TTC34: variants seen among roughly 807,000 people sequenced by gnomAD.
TTC34 encodes tetratricopeptide repeat protein 34.
A neutral mutation model predicts 40.7 loss-of-function variants in TTC34; 44 were observed. The ratio of observed to expected loss-of-function variants is 1.08; its 90% CI spans 0.85 to 1.39. TTC34 has a LOEUF of 1.39. TTC34 is among the 40% of genes most tolerant of loss of function. TTC34 has a pLI of 0.00. For missense variants in TTC34, 884 were observed against 838.0 expected (o/e 1.05, Z -0.68); for synonymous variants, 422 against 398.6 (o/e 1.06, Z -0.70).
intron 2 of TTC34, among the ~76,000 whole-genome samples, chr1:2,798,578 TCAGCTCCCCAGCCCCC>T (rs1643736301): frequency 1.4e-4 from 1 of 7,354 alleles, no homozygotes; most frequent in Non-Finnish European, 2.5e-4. Context: ...TCCCAGCCCC[TCAGCTCCCCAGCCCCC>T]CAGCCTCCCA....
chr1:2,753,314 C>T (rs1641388690), intron 6 of TTC34, among the ~76,000 whole-genome samples: 1 of 118,288 alleles, frequency 8.5e-6, no homozygotes. Context: ...GAGCATCCGA[C>T]AGCCTGGAGC....
intron 6 of TTC34, among the ~76,000 whole-genome samples, chr1:2,751,135 G>A (rs1272402607): frequency 5.7e-5 from 1 of 17,558 alleles, no homozygotes; most frequent in Non-Finnish European, 1.0e-4. Flanking sequence ...TACCCCCAGG[G>A]GAGCATCTGA....
chr1:2,655,644 G>C (rs1188711455), intron 6 of TTC34, among the ~76,000 whole-genome samples: 1 of 152,106 alleles, frequency 6.6e-6, no homozygotes, highest in East Asian at 1.9e-4. Context: ...GCCTGGAGCA[G>C]CAACCACACC....
At chr1:2,774,070 A>C (rs1337628712) in intron 6 of TTC34, 1 of 150,208 alleles carries the variant, frequency 6.7e-6, no homozygotes, top group Non-Finnish European at 1.5e-5. Flanking sequence ...CCCCCAGGTG[A>C]GCATTTGACA....
In TTC34 at chr1:2,755,890, A is replaced by G. The variant is rs1333245182; in HGVS notation, c.2226+27719T>C. Among the ~76,000 whole-genome samples, 2 of 79,640 alleles carry G rather than the reference A, an allele frequency of 2.5e-5. 1 individual carries two copies. Among genetic ancestry groups the G allele is most frequent in the Non-Finnish European group, 4.4e-5 (2 of 45,904 alleles). The allele number at this position is 79,640 out of a possible 152,430, so 52.2% of individuals were successfully genotyped here. On this transcript the variant is annotated intron_variant, in intron 6 of 8. Transcript: ENST00000401095. ...CTCACGCGAGCACCTGACATCCTTGAGCAGCACCCACACCCCCAGGTGAGC... is the reference window on the plus strand; with the variant it reads ...CTCACGCGAGCACCTGACATCCTTGGGCAGCACCCACACCCCCAGGTGAGC...
rs917021607 is a variant in TTC34, at chr1:2,796,915, C to T, written c.784+3129G>A. Among the ~76,000 whole-genome samples the T allele has an allele frequency of 5.9e-5, 9 of 152,224 alleles. No homozygotes were observed. Among genetic ancestry groups the T allele is most frequent in the East Asian group, 1.9e-4 (1 of 5,190 alleles). The stretch of plus-strand genomic sequence containing the variant: ...GGTCACCAAGAACCTCGGCACCACA[C>T]GCCCAACGCACACTCCTTGTCCTCT... On this transcript the variant is annotated intron_variant, in intron 2 of 8. Transcript: ENST00000401095. The surrounding 1 kb of genome is among the most constrained non-coding windows in gnomAD (Gnocchi z 4.5).
At chr1:2,687,811 A>T (rs1348937521) in intron 6 of TTC34, among the ~76,000 whole-genome samples, 36 of 150,678 alleles carry the variant, frequency 2.4e-4, no homozygotes, top group African/African-American at 8.7e-4. Context: ...CCACACCTCC[A>T]GGTGAGCATC....
chr1:2,641,441 G>A, exon 9 of TTC34: 1 of 1,535,276 alleles, frequency 6.5e-7, no homozygotes, highest in Non-Finnish European at 8.7e-7. Context: ...ACGGTGGTCG[G>A]GGTCCACCAG....
In TTC34 at chr1:2,796,640, G is replaced by A. The variant is rs543646752; in HGVS notation, c.784+3404C>T. Among the ~76,000 whole-genome samples the A allele has an allele frequency of 1.3e-5, 2 of 152,088 alleles. No individual in the cohort carries two copies. Among genetic ancestry groups the A allele is most frequent in the African/African-American group, 2.4e-5 (1 of 41,504 alleles). ...CCCTTAAGTCATGCCCTGCCCCTGC[G>A]TGATCATTAAAGTGGAAGGCCCCCT... On this transcript the variant is annotated intron_variant, in intron 2 of 8. Coordinates refer to ENST00000401095, the Ensembl canonical transcript of TTC34. The surrounding 1 kb of genome is among the most constrained non-coding windows in gnomAD (Gnocchi z 4.5).
rs1383566624 is a variant in TTC34, at chr1:2,761,465, AC to A, written c.2226+22143del. ...TCAAACCCCAGGTGAGGATCTGACA[AC>A]CTGGAACAGAACCCCACTCTTCCAG... On this transcript the variant is annotated intron_variant, in intron 6 of 8. Transcript: ENST00000401095. Among the ~76,000 whole-genome samples, 4 of 41,800 alleles carry A rather than the reference AC, an allele frequency of 9.6e-5. 2 individuals carry two copies. Among genetic ancestry groups the A allele is most frequent in the Admixed American group, 4.8e-4 (2 of 4,194 alleles). 27.4% of individuals were successfully genotyped at this position (41,800 alleles called of 152,430 possible).
chr1:2,638,210 G>A (rs558004202), exon 9 of TTC34: 2 of 152,248 alleles, frequency 1.3e-5, no homozygotes, highest in Admixed American at 6.5e-5. Flanking sequence ...GCCTGACTCA[G>A]GAAGGAACCA....
intron 6 of TTC34, among the ~76,000 whole-genome samples, chr1:2,750,730 C>T (rs1470459569): frequency 1.1e-3 from 141 of 133,528 alleles, no homozygotes; most frequent in African/African-American, 1.5e-3. Flanking sequence ...CCCACACCCC[C>T]AGGTGAGCAT....
chr1:2,694,660 A>G (rs1426253584), intron 6 of TTC34, among the ~76,000 whole-genome samples: 1 of 82,798 alleles, frequency 1.2e-5, no homozygotes, highest in Non-Finnish European at 3.0e-5. Context: ...GGCCTGGAAC[A>G]GCACACACAC....
intron 6 of TTC34, among the ~76,000 whole-genome samples, chr1:2,648,965 C>T (rs1639073480): frequency 6.6e-6 from 1 of 151,648 alleles, no homozygotes; most frequent in Non-Finnish European, 1.5e-5. Context: ...CCCCACACCC[C>T]CAGGTGAGTA....
At chr1:2,685,721 C>G (rs562765197) in intron 6 of TTC34, among the ~76,000 whole-genome samples, 1 of 144,868 alleles carries the variant, frequency 6.9e-6, no homozygotes, top group Non-Finnish European at 1.5e-5. Flanking sequence ...ACCCACACCC[C>G]CAGGTGCGCA....
At chr1:2,769,529 C>A (rs866631705) in intron 6 of TTC34, among the ~76,000 whole-genome samples, 2 of 110,594 alleles carry the variant, frequency 1.8e-5, no homozygotes, top group Non-Finnish European at 3.5e-5. Context: ...CATCTGACAA[C>A]CTGGAGCAGC....
chr1:2,673,362 G>A lies in TTC34; in HGVS notation c.2227-27799C>T, dbSNP rs962526729. On this transcript the variant is annotated intron_variant, in intron 6 of 8. Transcript: ENST00000401095. ...CCTGGAGCGGAACCCACGGCCACAG[G>A]CGAGCATCTGAGGGCCTGGGTCGGC... Among the ~76,000 whole-genome samples the A allele has an allele frequency of 8.6e-5, 6 of 69,572 alleles. 1 individual carries two copies. The highest frequency in any genetic ancestry group is 1.3e-4 in the Non-Finnish European group (4 of 30,410). The allele number at this position is 69,572 out of a possible 152,430, so 45.6% of individuals were successfully genotyped here. A position where few individuals can be genotyped will look rare whatever the true frequency, so the allele number is the denominator to read the frequency against.
chr1:2,684,394 A>T (rs1278261648), intron 6 of TTC34, among the ~76,000 whole-genome samples: 8 of 119,672 alleles, frequency 6.7e-5, no homozygotes, highest in African/African-American at 2.9e-4. Flanking sequence ...CAGAATCCAC[A>T]CCCCCAGGTG....
At chr1:2,644,461 C>T (rs1054600594) in exon 8 of TTC34, 3 of 1,533,578 alleles carry the variant, frequency 2.0e-6, no homozygotes, top group African/African-American at 2.7e-5. Flanking sequence ...AGGTGGGTGC[C>T]AGCTTCCTCG....
Sources: allele counts gnomAD v4.1 joint callset (sites outside exome capture counted in the v4.1 genomes callset), GRCh38; gene constraint gnomAD v4.1.1; non-coding constraint Gnocchi (gnomAD v3.1); transcripts MANE v1.5; gene names NCBI Gene and HGNC (gene_info 2026-07-23, HGNC 2026-07-21).